ZNF503: variants seen among roughly 807,000 people sequenced by gnomAD.
ZNF503 encodes the protein zinc finger protein 503.
A neutral mutation model predicts 34.4 loss-of-function variants in ZNF503; 15 were observed. The observed-to-expected ratio is 0.44, with a 90% CI of 0.29 to 0.67. ZNF503 has a LOEUF of 0.67. Ranked by LOEUF, ZNF503 falls within the 30% of genes least tolerant of loss-of-function variation. The pLI, the probability that ZNF503 is intolerant of heterozygous loss-of-function variation, is 0.13. For synonymous variants in ZNF503, 580 were observed against 456.8 expected (o/e 1.27, Z -3.44); for missense variants, 1,007 against 926.8 (o/e 1.09, Z -1.12).
In ZNF503 at chr10:75,397,861, A is replaced by T. The variant is rs1490580587; in HGVS notation, c.*888T>A. On this transcript the variant is annotated 3_prime_UTR_variant, in exon 2 of 2. Transcript: ENST00000372524. The stretch of plus-strand genomic sequence containing the variant: ...TAAAACCCTTTAATACATCAAATAT[A>T]CGGAATTTTAATCTTTAAAGCGATA... 5 of 152,712 alleles carry T rather than the reference A, an allele frequency of 3.3e-5. No homozygotes were observed. The highest frequency in any genetic ancestry group is 5.9e-5 in the Non-Finnish European group (4 of 68,054). 9.5% of individuals were successfully genotyped at this position (152,712 alleles called of 1,614,324 possible).
chr10:75,293,646 C>T, the ZNF503 span, among the ~76,000 whole-genome samples: 637 of 151,182 alleles, frequency 4.2e-3, 7 homozygotes, highest in African/African-American at 0.015. Flanking sequence ...TGTGTGTGTG[C>T]GTGTGTGTAT....
chr10:75,366,239 G>A, the ZNF503 span, among the ~76,000 whole-genome samples: 1 of 152,142 alleles, frequency 6.6e-6, no homozygotes, highest in African/African-American at 2.4e-5. Context: ...AACAGCTGTG[G>A]GCTATATCCT....
At chr10:75,313,917 A>G in the ZNF503 span, among the ~76,000 whole-genome samples, 2 of 152,236 alleles carry the variant, frequency 1.3e-5, no homozygotes, top group Admixed American at 1.3e-4. Context: ...AGAGGGAACA[A>G]GAGATGTGGA....
chr10:75,349,319 A>T, the ZNF503 span, among the ~76,000 whole-genome samples: 1 of 152,180 alleles, frequency 6.6e-6, no homozygotes, highest in African/African-American at 2.4e-5. Flanking sequence ...CTTTTATGAC[A>T]TTGACATTTT....
the ZNF503 span, among the ~76,000 whole-genome samples, chr10:75,340,697 C>T: frequency 0.017 from 2,566 of 152,200 alleles, 80 homozygotes; most frequent in African/African-American, 0.059. Context: ...TTCCCAGGTT[C>T]GAGCGATTCT....
the ZNF503 span, among the ~76,000 whole-genome samples, chr10:75,345,259 C>A: frequency 6.6e-6 from 1 of 152,180 alleles, no homozygotes. Flanking sequence ...GATCAAGACC[C>A]TGACTGATCC....
At chr10:75,310,363 A>C in the ZNF503 span, among the ~76,000 whole-genome samples, 1 of 152,248 alleles carries the variant, frequency 6.6e-6, no homozygotes, top group Non-Finnish European at 1.5e-5. Context: ...CTGGCAACTC[A>C]GAATTGCCAA....
intron 1 of ZNF503, among the ~76,000 whole-genome samples, chr10:75,400,655 G>A (rs889636007): frequency 6.6e-6 from 1 of 152,124 alleles, no homozygotes; most frequent in African/African-American, 2.4e-5. Context: ...AGAGCAAAAT[G>A]TTTTGGTTTT....
At chr10:75,286,667 A>C in the ZNF503 span, among the ~76,000 whole-genome samples, 1 of 152,100 alleles carries the variant, frequency 6.6e-6, no homozygotes, top group African/African-American at 2.4e-5. Context: ...CTGGGAAGAG[A>C]CTTGGTGCAT....
At chr10:75,359,690 G>A in the ZNF503 span, among the ~76,000 whole-genome samples, 3 of 152,172 alleles carry the variant, frequency 2.0e-5, no homozygotes, top group Non-Finnish European at 4.4e-5. Context: ...AACCATTCAG[G>A]GCAGGTTAGT....
chr10:75,396,822 C>T (rs146831062), downstream of ZNF503, among the ~76,000 whole-genome samples: 695 of 152,198 alleles, frequency 4.6e-3, 2 homozygotes, highest in South Asian at 8.1e-3. The surrounding 1 kb of genome is among the most constrained non-coding windows in gnomAD (Gnocchi z 4.4). Context: ...TGGGAGGGGG[C>T]GCTGGGTCTC....
the ZNF503 span, among the ~76,000 whole-genome samples, chr10:75,392,445 G>A: frequency 6.6e-6 from 1 of 152,178 alleles, no homozygotes; most frequent in Non-Finnish European, 1.5e-5. Context: ...ATCGGTGTGT[G>A]GTGGGGGGAA....
At chr10:75,326,588 C>T in the ZNF503 span, among the ~76,000 whole-genome samples, 1 of 151,786 alleles carries the variant, frequency 6.6e-6, no homozygotes, top group Non-Finnish European at 1.5e-5. Flanking sequence ...TAAGTTATTG[C>T]TACTACTTTG....
At chr10:75,335,033 A>G in the ZNF503 span, among the ~76,000 whole-genome samples, 6 of 152,220 alleles carry the variant, frequency 3.9e-5, no homozygotes, top group African/African-American at 1.4e-4. Context: ...AATTAAGAGT[A>G]TGGACTTTGG....
In ZNF503 at chr10:75,401,614, C is replaced by T. The variant is rs1049042705; in HGVS notation, c.-195G>A. ...AATCCTGGGTGGCCCGCAGCGGAGC[C>T]GTGGCCGGGCTAGAGGAGCCGGCTG... is the stretch of plus-strand genomic sequence containing the variant. On this transcript the variant is annotated 5_prime_UTR_variant, in exon 1 of 2. Coordinates refer to ENST00000372524, the MANE Select transcript of ZNF503 (RefSeq NM_032772.6). 1.6e-5 allele frequency: 11 copies of T among 670,802 alleles called. No homozygotes were observed. Among genetic ancestry groups the T allele is most frequent in the Admixed American group, 3.0e-5 (1 of 33,526 alleles). The allele number at this position is 670,802 out of a possible 1,614,324, so 41.6% of individuals were successfully genotyped here.
chr10:75,381,477 A>C, the ZNF503 span, among the ~76,000 whole-genome samples: 74 of 152,136 alleles, frequency 4.9e-4, 1 homozygote, highest in African/African-American at 1.7e-3. Context: ...CCCACCTCAA[A>C]CTTCCAAAGT....
the ZNF503 span, among the ~76,000 whole-genome samples, chr10:75,308,600 T>C: frequency 4.6e-5 from 7 of 152,132 alleles, no homozygotes; most frequent in Non-Finnish European, 7.4e-5. Context: ...TTAAGAGCAT[T>C]TGTGATTCAT....
the ZNF503 span, among the ~76,000 whole-genome samples, chr10:75,347,152 G>C: frequency 6.6e-6 from 1 of 152,244 alleles, no homozygotes; most frequent in Non-Finnish European, 1.5e-5. Flanking sequence ...CATGTAGTAA[G>C]CTCCATGTAA....
the ZNF503 span, among the ~76,000 whole-genome samples, chr10:75,295,175 C>CG: frequency 2.6e-5 from 4 of 151,758 alleles, no homozygotes; most frequent in South Asian, 2.1e-4. This position sits in a 1 kb window ranked among gnomAD's most constrained non-coding sequence, Gnocchi z 4.0. Context: ...GACTCCGACT[C>CG]GGGGGGCAGG....
Sources: allele counts gnomAD v4.1 joint callset (sites outside exome capture counted in the v4.1 genomes callset), GRCh38; gene constraint gnomAD v4.1.1; non-coding constraint Gnocchi (gnomAD v3.1); transcripts MANE v1.5; gene names NCBI Gene and HGNC (gene_info 2026-07-23, HGNC 2026-07-21).